The following CCDC88A variants were observed in gnomAD, a reference collection of about 807,000 sequenced individuals.
CCDC88A encodes coiled-coil and HOOK domain protein 88A, also known as girdin.
Under a neutral mutation model 234.3 loss-of-function variants are expected in CCDC88A, and 54 were observed. The ratio of observed to expected loss-of-function variants is 0.23; its 90% CI spans 0.19 to 0.29. The LOEUF (loss-of-function observed/expected upper bound fraction) is 0.29. Among genes scored for constraint, CCDC88A ranks in the 10% least tolerant of loss-of-function variants. CCDC88A has a pLI of 1.00. For synonymous variants in CCDC88A, 753 were observed against 737.8 expected, an observed-to-expected ratio of 1.02 and a Z score of -0.33; for missense variants, 1,832 against 2,123.4, an observed-to-expected ratio of 0.86 and a Z score of 2.70.
In CCDC88A at chr2:55,291,106, T is replaced by G. The variant is rs1049780434; in HGVS notation, c.*94A>C. The G allele has an allele frequency of 2.0e-5, 3 of 152,548 alleles. No individual in the cohort carries two copies. The highest frequency in any genetic ancestry group is 7.2e-5 in the African/African-American group (3 of 41,438). The allele number at this position is 152,548 out of a possible 1,614,324, so 9.4% of individuals were successfully genotyped here. On this transcript the variant is annotated 3_prime_UTR_variant, in exon 33 of 33. Coordinates refer to ENST00000436346, the MANE Select transcript of CCDC88A (RefSeq NM_001365480.1). ...AAAAATGATTCCTATAGTTGCTAGG[T>G]GTCTTGTTACTTCAGAAATAAAGGC...
chr2:55,291,638 G>T, intron 32 of CCDC88A, 38 bp downstream of exon 32: 1 of 915,726 alleles, frequency 1.1e-6, no homozygotes, highest in South Asian at 1.5e-5. Flanking sequence ...TTGTATAAAT[G>T]AGACTAATCT....
rs143070312 is a variant in CCDC88A at position 55,403,476 on chromosome 2, C to T, written c.165-14590G>A. The T allele has an allele frequency of 2.5e-3, 387 of 152,282 alleles. 1 individual carries two copies. Among genetic ancestry groups the T allele is most frequent in the African/African-American group, 7.8e-3 (323 of 41,550 alleles). 9.4% of individuals were successfully genotyped at this position (152,282 alleles called of 1,614,324 possible). ...TTTATTATACCTTACAAGTGTGTAA[C>T]GAGAAGAATACAATGATTGCCCACA... On this transcript the variant is annotated intron_variant, in intron 2 of 32. Coordinates refer to ENST00000436346, the MANE Select transcript of CCDC88A (RefSeq NM_001365480.1).
intron 3 of CCDC88A, among the ~76,000 whole-genome samples, chr2:55,381,111 C>G (rs750407699): frequency 1.3e-5 from 2 of 151,338 alleles, no homozygotes; most frequent in Non-Finnish European, 2.9e-5. Context: ...CTACAGTATT[C>G]AGTACAGTAA....
In CCDC88A at chr2:55,317,786, T is replaced by A; in HGVS notation, c.3380A>T (p.Gln1127Leu). ...QSTSLMNQNA[Q>L]LLIQQSSLEN... ...TAAGGAAGACTGCTGGATTAGGAGT[T>A]GGGCATTCTGGTTCATGAGTGAGGT... Residue 1127 changes from glutamine (Q) to leucine (L), a missense_variant, in exon 20 of 33, where the codon CAA (glutamine) becomes CTA (leucine). Transcript: ENST00000436346. The surrounding 1 kb of genome is among the most constrained non-coding windows in gnomAD (Gnocchi z 4.2). The A allele has an allele frequency of 6.2e-7, 1 of 1,611,558 alleles. No individual in the cohort carries two copies. Among genetic ancestry groups the A allele is most frequent in the Non-Finnish European group, 8.5e-7 (1 of 1,178,150 alleles).
chr2:55,378,768 C>T (rs906030050), intron 3 of CCDC88A, among the ~76,000 whole-genome samples: 32 of 137,724 alleles, frequency 2.3e-4, no homozygotes, highest in African/African-American at 8.6e-4. Context: ...TTTTTTGAGA[C>T]GGAGTCTCGC....
chr2:55,330,606 T>G (rs1172539161), intron 16 of CCDC88A, among the ~76,000 whole-genome samples: 1 of 152,218 alleles, frequency 6.6e-6, no homozygotes, highest in African/African-American at 2.4e-5. Flanking sequence ...GGGTTTTTTT[T>G]GTGACATAAA....
At chr2:55,345,988 C>T (rs531968287) in intron 10 of CCDC88A, 187 bp downstream of exon 10, 2 of 446,042 alleles carry the variant, frequency 4.5e-6, no homozygotes, top group South Asian at 4.9e-5. Context: ...TAGTAATATC[C>T]ATAGATCCCT....
At chr2:55,358,052 T>G (rs1670823837) in intron 7 of CCDC88A, among the ~76,000 whole-genome samples, 1 of 152,216 alleles carries the variant, frequency 6.6e-6, no homozygotes. Context: ...AGATTATTCC[T>G]GGCTACTTTA....
chr2:55,344,422 A>G lies in CCDC88A; in HGVS notation c.1134T>C (p.His378=), dbSNP rs373446664. 5.0e-6 allele frequency: 8 copies of G among 1,587,890 alleles called. No individual in the cohort carries two copies. In the African/African-American group the frequency reaches 1.1e-4, roughly 21 times the overall value. Residue 378 remains histidine (H), a synonymous_variant, in exon 11 of 33, where the codon CAT becomes CAC. Transcript: ENST00000436346. ...GTTGTAAGTTCTCTTTTTCTAATTC[A>G]TGTAATTTATCAGAACGAGCACGAG... ...EGTRARSDKL[H]ELEKENLQLK...
At chr2:55,407,959 C>T (rs1289544802) in intron 2 of CCDC88A, among the ~76,000 whole-genome samples, 4 of 151,548 alleles carry the variant, frequency 2.6e-5, no homozygotes, top group Non-Finnish European at 5.9e-5. Flanking sequence ...CTCAAGTGAT[C>T]CACCTGCCTC....
intron 3 of CCDC88A, among the ~76,000 whole-genome samples, chr2:55,387,093 CT>C (rs1675770996): frequency 7.2e-6 from 1 of 139,150 alleles, no homozygotes; most frequent in South Asian, 2.3e-4. Flanking sequence ...AGGAGAATTG[CT>C]GGAACCCAGG....
At chr2:55,363,878 T>A in intron 6 of CCDC88A, 72 bp downstream of exon 6, 1 of 757,256 alleles carries the variant, frequency 1.3e-6, no homozygotes, top group Non-Finnish European at 2.2e-6. Context: ...CTTTGAAGTA[T>A]TTTAGGAGAT....
intron 23 of CCDC88A, among the ~76,000 whole-genome samples, chr2:55,311,092 T>C (rs547316602): frequency 2.0e-5 from 3 of 152,316 alleles, no homozygotes; most frequent in Admixed American, 2.0e-4. Flanking sequence ...GTCAGAATAG[T>C]AAGACAACAA....
At chr2:55,372,578 C>A in intron 4 of CCDC88A, 68 bp from the exon 5 acceptor site, 2 of 781,476 alleles carry the variant, frequency 2.6e-6, no homozygotes, top group East Asian at 5.2e-5. Flanking sequence ...TTTGGAGAAT[C>A]ACTTCTAGAG....
At chr2:55,297,305 AT>A (rs1385666629) in intron 29 of CCDC88A, 23 of 72,380 alleles carry the variant, frequency 3.2e-4, no homozygotes, top group African/African-American at 1.0e-3. Context: ...TTTATATATA[AT>A]TATATATAAA....
At position 55,309,876 on chromosome 2, in the gene CCDC88A, AAATT is replaced by A. The variant is rs1429962067; in HGVS notation, c.4080-626_4080-623del. ...AATATAGGAGAGAAGATATATCCATAAATTAATATAATAACATATAATATTGTGT... is the reference window on the plus strand; with the variant it reads ...AATATAGGAGAGAAGATATATCCATAAATATAATAACATATAATATTGTGT... On this transcript the variant is annotated intron_variant, in intron 23 of 32. Coordinates refer to ENST00000436346, the MANE Select transcript of CCDC88A (RefSeq NM_001365480.1). The surrounding 1 kb of genome is among the most constrained non-coding windows in gnomAD (Gnocchi z 5.1). 6.6e-6 allele frequency among the ~76,000 whole-genome samples: 1 copy of A among 152,206 alleles called. No individual in the cohort carries two copies. Among genetic ancestry groups the A allele is most frequent in the Non-Finnish European group, 1.5e-5 (1 of 68,024 alleles).
intron 10 of CCDC88A, among the ~76,000 whole-genome samples, chr2:55,345,084 T>C (rs934409821): frequency 6.6e-6 from 1 of 152,172 alleles, no homozygotes; most frequent in South Asian, 2.1e-4. Context: ...CTAAGTTATA[T>C]ACCTATGGTT....
At position 55,418,683 on chromosome 2, in the gene CCDC88A, A is replaced by G. The variant is rs981301002; in HGVS notation, c.164+133T>C. The G allele has an allele frequency of 5.9e-6, 4 of 674,358 alleles. No individual in the cohort carries two copies. In the South Asian group the frequency reaches 7.0e-5, roughly 12 times the overall value. The allele number at this position is 674,358 out of a possible 1,614,324, so 41.8% of individuals were successfully genotyped here. ...GCCCATAACATTAGCATTCCTTTCA[A>G]GATCCAATTCTTAAACCACCTGAAT... On this transcript the variant is annotated intron_variant, in intron 2 of 32. Transcript: ENST00000436346.
chr2:55,339,305 T>C (rs1486622168), intron 13 of CCDC88A, 159 bp downstream of exon 13: 6 of 708,452 alleles, frequency 8.5e-6, no homozygotes, highest in Admixed American at 3.1e-5. Flanking sequence ...ATAATGAGTA[T>C]AGGGTTCATT....
Sources: allele counts gnomAD v4.1 joint callset (sites outside exome capture counted in the v4.1 genomes callset), GRCh38; gene constraint gnomAD v4.1.1; non-coding constraint Gnocchi (gnomAD v3.1); transcripts MANE v1.5; gene names NCBI Gene and HGNC (gene_info 2026-07-23, HGNC 2026-07-21).